The following STK38 variants were observed in gnomAD, a reference collection of about 807,000 sequenced individuals.
The protein encoded by STK38 is serine/threonine-protein kinase 38.
Under a neutral mutation model 59.0 loss-of-function variants are expected in STK38, and 26 were observed. The ratio of observed to expected loss-of-function variants is 0.44; its 90% confidence interval spans 0.32 to 0.61. STK38 has a LOEUF of 0.61. Ranked by LOEUF, STK38 falls within the 20% of genes least tolerant of loss-of-function variation. The pLI, the probability that STK38 is intolerant of heterozygous loss-of-function variation, is 0.04. For synonymous variants in STK38, 175 were observed against 176.6 expected, an observed-to-expected ratio of 0.99 and a Z score of 0.07; for missense variants, 433 against 566.0, an observed-to-expected ratio of 0.76 and a Z score of 2.38.
At chr6:36,527,980 G>C (rs1777573783) in intron 2 of STK38, among the ~76,000 whole-genome samples, 1 of 151,682 alleles carries the variant, frequency 6.6e-6, no homozygotes, top group African/African-American at 2.4e-5. Context: ...GTAGTGGCCG[G>C]CGCCTGTAGT....
In STK38 at chr6:36,497,767, T is replaced by C. The variant is rs982179026; in HGVS notation, c.1172+13A>G. 2 of 1,585,118 alleles carry C rather than the reference T, an allele frequency of 1.3e-6. No homozygotes were observed. The highest frequency in any genetic ancestry group is 2.2e-5 in the East Asian group (1 of 44,756). On this transcript the variant is annotated intron_variant, in intron 12 of 13. Coordinates refer to ENST00000229812, the MANE Select transcript of STK38 (RefSeq NM_007271.4). ...TTTCTGAAATAATTCTGAAAGTGTTTATATGGATATACCTGATATGTTCCC... is the reference window on the plus strand; with the variant it reads ...TTTCTGAAATAATTCTGAAAGTGTTCATATGGATATACCTGATATGTTCCC...
Position 36,497,644 on chromosome 6 carries a change from A to G in STK38, c.1172+136T>C. 6 of 689,474 alleles carry G rather than the reference A, an allele frequency of 8.7e-6. No individual in the cohort carries two copies. In the South Asian group the frequency reaches 1.0e-4, roughly 12 times the overall value. 42.7% of individuals were successfully genotyped at this position (689,474 alleles called of 1,614,324 possible). On this transcript the variant is annotated intron_variant, in intron 12 of 13. Transcript: ENST00000229812. ...TAATGCCCAATCTTCACCATGAATG[A>G]AAATCAGGAAAAGACCCTAAATCTC...
intron 7 of STK38, among the ~76,000 whole-genome samples, chr6:36,513,501 G>A (rs1426954032): frequency 6.6e-6 from 1 of 151,100 alleles, no homozygotes; most frequent in Non-Finnish European, 1.5e-5. Context: ...TTTTAGTAGA[G>A]ATGGGGTTTC....
intron 5 of STK38, 95 bp from the exon 6 acceptor site, chr6:36,517,935 G>T (rs1662071260): frequency 7.2e-7 from 1 of 1,395,168 alleles, no homozygotes; most frequent in Admixed American, 2.3e-5. Flanking sequence ...CTTAAATACT[G>T]TTTTGAGTAT....
intron 2 of STK38, among the ~76,000 whole-genome samples, chr6:36,532,307 CAT>C (rs10541409): frequency 0.3 from 30,843 of 102,786 alleles, 4,255 homozygotes; most frequent in East Asian, 0.5. Flanking sequence ...ACCTTGTCTG[CAT>C]AAAAAAAAAA....
At chr6:36,501,890 C>T (rs972595493) in intron 9 of STK38, among the ~76,000 whole-genome samples, 1 of 152,180 alleles carries the variant, frequency 6.6e-6, no homozygotes. Context: ...CAAATAACAC[C>T]TGAATAAACA....
At chr6:36,512,992 A>G (rs752675045) in intron 7 of STK38, among the ~76,000 whole-genome samples, 6 of 151,422 alleles carry the variant, frequency 4.0e-5, no homozygotes, top group Non-Finnish European at 8.8e-5. Context: ...ACTGTCTGTA[A>G]TGTTCAAATT....
chr6:36,530,862 G>GT (rs1256238359), intron 2 of STK38, among the ~76,000 whole-genome samples: 1 of 151,204 alleles, frequency 6.6e-6, no homozygotes, highest in Non-Finnish European at 1.5e-5. Flanking sequence ...GCTAATTTTT[G>GT]TACTTTTAGT....
chr6:36,528,065 C>T (rs1324865569), intron 2 of STK38, among the ~76,000 whole-genome samples: 1 of 151,544 alleles, frequency 6.6e-6, no homozygotes, highest in Non-Finnish European at 1.5e-5. Flanking sequence ...GCCGAGATCG[C>T]ACCACTGCAC....
At chr6:36,507,391 A>G (rs1478680802) in intron 8 of STK38, 109 bp downstream of exon 8, 1 of 908,488 alleles carries the variant, frequency 1.1e-6, no homozygotes, top group Non-Finnish European at 1.7e-6. Flanking sequence ...TTTATTCTCT[A>G]CATACTCAAA....
intron 2 of STK38, 63 bp from the exon 3 acceptor site, chr6:36,525,705 G>A: frequency 7.3e-7 from 1 of 1,373,990 alleles, no homozygotes; most frequent in South Asian, 1.2e-5. Context: ...TGAAAATTCT[G>A]TAACTTAATA....
chr6:36,508,814 C>T (rs911963898), intron 7 of STK38, among the ~76,000 whole-genome samples: 6 of 152,224 alleles, frequency 3.9e-5, no homozygotes, highest in African/African-American at 1.4e-4. Flanking sequence ...TGCACACAGC[C>T]AGGCAGAGCA....
In STK38 at chr6:36,499,864, G is replaced by A; in HGVS notation, c.952+9C>T. 6.2e-7 allele frequency: 1 copy of A among 1,609,980 alleles called. No homozygotes were observed. The highest frequency in any genetic ancestry group is 8.5e-7 in the Non-Finnish European group (1 of 1,176,430). On this transcript the variant is annotated intron_variant, in intron 10 of 13. Transcript: ENST00000229812. ...CACAGAAAAAGTCCTCTGAAACCAT[G>A]CAACTTACCGATGAGCATCTCATAC...
At position 36,524,460 on chromosome 6, in the gene STK38, G is replaced by T. The variant is rs745860300; in HGVS notation, c.187C>A (p.Arg63=). The T allele has an allele frequency of 6.3e-7, 1 of 1,593,218 alleles. No homozygotes were observed. The highest frequency in any genetic ancestry group is 8.5e-7 in the Non-Finnish European group (1 of 1,174,202). ...EEEGLKDEEK[R]LRRSAHARKE... The stretch of plus-strand genomic sequence containing the variant: ...CGAGCATGTGCTGATCTCCGGAGTC[G>T]TTTCTAATATTTAAATAAAAAAGGG... Residue 63 remains arginine, a synonymous_variant, in exon 4 of 14, where the codon CGA becomes AGA. Transcript: ENST00000229812.
chr6:36,495,536 G>T lies in STK38; in HGVS notation c.*248C>A. ...TATTTTTAAAACACCTATCAAATTG[G>T]CTCATGATGCTTCTCTTCCAAAGCA... On this transcript the variant is annotated 3_prime_UTR_variant, in exon 14 of 14. Coordinates refer to ENST00000229812, the MANE Select transcript of STK38 (RefSeq NM_007271.4). The T allele has an allele frequency of 2.6e-6, 1 of 381,916 alleles. No homozygotes were observed. Among genetic ancestry groups the T allele is most frequent in the South Asian group, 3.6e-5 (1 of 27,964 alleles). 23.7% of individuals were successfully genotyped at this position (381,916 alleles called of 1,614,324 possible). A position where few individuals can be genotyped will look rare whatever the true frequency, so the allele number is the denominator to read the frequency against.
intron 1 of STK38, among the ~76,000 whole-genome samples, chr6:36,542,171 G>A (rs1661819070): frequency 1.3e-5 from 2 of 151,976 alleles, no homozygotes; most frequent in African/African-American, 4.8e-5. Context: ...AGCATATACT[G>A]TTACCAATAA....
rs1167051592 is a variant in STK38 at position 36,524,536 on chromosome 6, G to A, written c.184-73C>T. On this transcript the variant is annotated intron_variant, in intron 3 of 13. Coordinates refer to ENST00000229812, the MANE Select transcript of STK38 (RefSeq NM_007271.4). The stretch of plus-strand genomic sequence containing the variant: ...TGAAACTCTGTAACAAGTCATGTTT[G>A]TGACTTACCCAGCTAGAAAACAGGT... 3 of 1,459,210 alleles carry A rather than the reference G, an allele frequency of 2.1e-6. No individual in the cohort carries two copies. The African/African-American group carries it at 4.3e-5, about 21-fold the overall frequency. The allele number at this position is 1,459,210 out of a possible 1,614,324, so 90.4% of individuals were successfully genotyped here.
chr6:36,542,719 C>A (rs370432738), intron 1 of STK38, among the ~76,000 whole-genome samples: 1 of 151,908 alleles, frequency 6.6e-6, no homozygotes, highest in Non-Finnish European at 1.5e-5. Context: ...CCAAGGCAGG[C>A]GAATCATCTG....
In STK38 at chr6:36,530,691, C is replaced by CT. The variant is rs760949624; in HGVS notation, c.132-5050dup. On this transcript the variant is annotated intron_variant, in intron 2 of 13. Transcript: ENST00000229812. ...CTTTTTCCTTTTTTTCTTTTCTTTT[C>CT]TTTTTTTTTTTTTTTGGAGACAAGA... Among the ~76,000 whole-genome samples, 746 of 122,624 alleles carry CT rather than the reference C, an allele frequency of 6.1e-3. 2 individuals carry two copies. The highest frequency in any genetic ancestry group is 0.01 in the South Asian group (38 of 3,778). 80.4% of individuals were successfully genotyped at this position (122,624 alleles called of 152,430 possible).
Sources: gnomAD v4.1 joint callset for allele counts (sites outside exome capture counted in the v4.1 genomes callset) on GRCh38, gnomAD v4.1.1 for gene constraint, MANE v1.5 for transcripts, NCBI Gene and HGNC (gene_info 2026-07-23, HGNC 2026-07-21) for gene names.